Variants in CDH13 observed in about 807,000 individuals in gnomAD.
CDH13 encodes cadherin 13.
CDH13 carries 24 observed loss-of-function variants against 63.8 expected under a neutral mutation model. The ratio of observed to expected loss-of-function variants is 0.38; its 90% CI spans 0.27 to 0.53. The LOEUF (loss-of-function observed/expected upper bound fraction) is 0.53. Among genes scored for constraint, CDH13 ranks in the 20% least tolerant of loss-of-function variants. The pLI is 0.85. For synonymous variants in CDH13, 503 were observed against 355.3 expected (o/e 1.42, Z -4.67); for missense variants, 1,049 against 903.1 (o/e 1.16, Z -2.07).
intron 6 of CDH13, among the ~76,000 whole-genome samples, chr16:83,412,197 C>G (rs546609822): frequency 6.6e-6 from 1 of 152,326 alleles, no homozygotes; most frequent in Non-Finnish European, 1.5e-5. Flanking sequence ...CATGGTAGCT[C>G]ACTCCTGTAA....
chr16:83,647,257 C>T (rs893571693), intron 8 of CDH13, among the ~76,000 whole-genome samples: 1 of 150,552 alleles, frequency 6.6e-6, no homozygotes, highest in Non-Finnish European at 1.5e-5. Flanking sequence ...TTGCAGTGAA[C>T]CGAGATCATG....
chr16:83,200,178 C>T (rs1002230959), intron 4 of CDH13, among the ~76,000 whole-genome samples: 12 of 152,234 alleles, frequency 7.9e-5, no homozygotes, highest in East Asian at 1.9e-4. Flanking sequence ...GTCTTTGTAA[C>T]GCCTTAACAG....
In CDH13 at chr16:82,889,146, A is replaced by G. The variant is rs752446342; in HGVS notation, c.157+30673A>G. On this transcript the variant is annotated intron_variant, in intron 2 of 13. Coordinates refer to ENST00000567109, the MANE Select transcript of CDH13 (RefSeq NM_001257.5). Reference sequence around the variant, plus strand: ...TTCAATCACAGAAAATCATTCTCACAGAAAGTATTCTTTCCTTTTGTTCAA... The same window carrying G: ...TTCAATCACAGAAAATCATTCTCACGGAAAGTATTCTTTCCTTTTGTTCAA... 4.6e-5 allele frequency among the ~76,000 whole-genome samples: 7 copies of G among 152,226 alleles called. 1 individual carries two copies. The highest frequency in any genetic ancestry group is 4.6e-4 in the Admixed American group (7 of 15,288).
intron 1 of CDH13, among the ~76,000 whole-genome samples, chr16:82,649,669 A>G (rs1322535235): frequency 1.3e-5 from 2 of 152,110 alleles, no homozygotes; most frequent in East Asian, 3.8e-4. Flanking sequence ...AACAATAGGA[A>G]GGAGAGGGGA....
chr16:83,287,691 ATAATG>A (rs1230521190), intron 5 of CDH13, among the ~76,000 whole-genome samples: 1 of 152,120 alleles, frequency 6.6e-6, no homozygotes, highest in Non-Finnish European at 1.5e-5. Flanking sequence ...ATGATGTATT[ATAATG>A]TAATAATAAT....
rs2092016489 is a variant in CDH13 at position 83,404,714 on chromosome 16, A to G, written c.781+59708A>G. On this transcript the variant is annotated intron_variant, in intron 6 of 13. Coordinates refer to ENST00000567109, the MANE Select transcript of CDH13 (RefSeq NM_001257.5). ...CTCGGTACCCTTCCCCAGAACAGCCACTGTGTCTTCCCAGAAATTGTGTTA... is the reference window on the plus strand; with the variant it reads ...CTCGGTACCCTTCCCCAGAACAGCCGCTGTGTCTTCCCAGAAATTGTGTTA... Among the ~76,000 whole-genome samples, 4 of 152,232 alleles carry G rather than the reference A, an allele frequency of 2.6e-5. No homozygotes were observed. In the South Asian group the frequency reaches 8.3e-4, roughly 32 times the overall value.
intron 5 of CDH13, among the ~76,000 whole-genome samples, chr16:83,261,533 T>C (rs565879763): frequency 5.9e-5 from 9 of 152,168 alleles, no homozygotes; most frequent in African/African-American, 1.7e-4. Context: ...TATCTATTAG[T>C]ATCTATTTCT....
At chr16:83,613,753 A>C (rs1260709488) in intron 8 of CDH13, among the ~76,000 whole-genome samples, 2 of 152,154 alleles carry the variant, frequency 1.3e-5, no homozygotes, top group African/African-American at 4.8e-5. Flanking sequence ...GAATCACTTG[A>C]ACCCCAGAGT....
chr16:82,890,888 G>A (rs891387572), intron 2 of CDH13, among the ~76,000 whole-genome samples: 10 of 152,024 alleles, frequency 6.6e-5, no homozygotes, highest in African/African-American at 2.4e-4. Context: ...CTGACCTCCA[G>A]TGATCTGCCC....
At chr16:83,360,921 G>A (rs1488094096) in intron 6 of CDH13, among the ~76,000 whole-genome samples, 3 of 152,184 alleles carry the variant, frequency 2.0e-5, no homozygotes, top group Non-Finnish European at 4.4e-5. Flanking sequence ...ACATATGAGT[G>A]CATGTGTCTT....
intron 5 of CDH13, among the ~76,000 whole-genome samples, chr16:83,235,303 T>C (rs2040112108): frequency 6.6e-6 from 1 of 152,098 alleles, no homozygotes; most frequent in South Asian, 2.1e-4. Context: ...ATGACGCAGG[T>C]CCGAGTGCCA....
chr16:83,207,373 G>A (rs1363821975), intron 4 of CDH13, among the ~76,000 whole-genome samples: 1 of 152,184 alleles, frequency 6.6e-6, no homozygotes, highest in Non-Finnish European at 1.5e-5. Flanking sequence ...TTAGCATAAT[G>A]TCCTCAAAGT....
rs558995834 is a variant in CDH13 at position 83,290,654 on chromosome 16, CG to C, written c.637-54207del. 1.8e-4 allele frequency among the ~76,000 whole-genome samples: 28 copies of C among 152,236 alleles called. 1 individual carries two copies. The South Asian group carries it at 5.8e-3, about 32-fold the overall frequency. ...AACAGAGTAATATATTCCCTCTTAT[CG>C]AATGACTTCTACACAGTGTGAATGA... On this transcript the variant is annotated intron_variant, in intron 5 of 13. Coordinates refer to ENST00000567109, the MANE Select transcript of CDH13 (RefSeq NM_001257.5).
At chr16:83,019,771 C>T (rs922175283) in intron 2 of CDH13, among the ~76,000 whole-genome samples, 2 of 145,862 alleles carry the variant, frequency 1.4e-5, no homozygotes, top group Admixed American at 7.0e-5. Flanking sequence ...GCTGGGATTA[C>T]AAGCGTGAGC....
At chr16:83,201,945 A>G (rs1302450743) in intron 4 of CDH13, among the ~76,000 whole-genome samples, 2 of 152,142 alleles carry the variant, frequency 1.3e-5, no homozygotes, top group Non-Finnish European at 2.9e-5. Context: ...GAGTAATGTC[A>G]GAGAAGATTA....
At chr16:83,158,511 G>C (rs1053242613) in intron 4 of CDH13, among the ~76,000 whole-genome samples, 1 of 152,234 alleles carries the variant, frequency 6.6e-6, no homozygotes, top group Non-Finnish European at 1.5e-5. Context: ...GCAGGTCACA[G>C]ACCTCTCCTG....
intron 2 of CDH13, among the ~76,000 whole-genome samples, chr16:82,890,431 A>G (rs2041039513): frequency 6.6e-6 from 1 of 152,150 alleles, no homozygotes; most frequent in Non-Finnish European, 1.5e-5. Context: ...CCTCTTTAAA[A>G]ACGATTCCTT....
At chr16:83,041,283 G>A (rs1917309535) in intron 3 of CDH13, among the ~76,000 whole-genome samples, 1 of 151,980 alleles carries the variant, frequency 6.6e-6, no homozygotes, top group South Asian at 2.1e-4. Flanking sequence ...AAGCTGAAAA[G>A]GCTAAATTTA....
intron 7 of CDH13, among the ~76,000 whole-genome samples, chr16:83,527,860 A>G (rs1217559959): frequency 1.3e-5 from 2 of 152,260 alleles, no homozygotes; most frequent in African/African-American, 4.8e-5. Flanking sequence ...AGTAGAAAGA[A>G]GTCTATATTT....
Sources: allele counts gnomAD v4.1 joint callset (sites outside exome capture counted in the v4.1 genomes callset), GRCh38; gene constraint gnomAD v4.1.1; transcripts MANE v1.5; gene names NCBI Gene and HGNC (gene_info 2026-07-23, HGNC 2026-07-21).